LRSAM1: variants seen among roughly 807,000 people sequenced by gnomAD.
The protein encoded by LRSAM1 is E3 ubiquitin-protein ligase LRSAM1.
LRSAM1 carries 96 observed loss-of-function variants against 118.1 expected under a neutral mutation model. The ratio of observed to expected loss-of-function variants is 0.81; its 90% CI spans 0.69 to 0.96. LRSAM1 has a LOEUF of 0.96. Ranked by LOEUF, LRSAM1 falls within the 40% of genes least tolerant of loss-of-function variation. LRSAM1 has a pLI of 0.00. For missense variants in LRSAM1, 804 were observed against 915.5 expected, an observed-to-expected ratio of 0.88 and a Z score of 1.57; for synonymous variants, 322 against 364.2, an observed-to-expected ratio of 0.88 and a Z score of 1.32.
chr9:127,480,085 G>A, intron 14 of LRSAM1, 107 bp downstream of exon 14: 1 of 1,502,458 alleles, frequency 6.7e-7, no homozygotes, highest in Admixed American at 1.8e-5. Flanking sequence ...CCTGCCCCGG[G>A]CTTCCCTTGT....
intron 15 of LRSAM1, among the ~76,000 whole-genome samples, chr9:127,482,148 T>C (rs1463756601): frequency 6.7e-6 from 1 of 148,260 alleles, no homozygotes; most frequent in East Asian, 1.9e-4. Context: ...ATCTTTTTTT[T>C]TTTTTTTTTT....
At chr9:127,471,872 A>G (rs1207050999) in intron 10 of LRSAM1, among the ~76,000 whole-genome samples, 2 of 151,042 alleles carry the variant, frequency 1.3e-5, no homozygotes, top group Non-Finnish European at 3.0e-5. Flanking sequence ...CATGTTGACC[A>G]GGGTGGTCTC....
Position 127,482,525 on chromosome 9 carries a change from C to T in LRSAM1, c.1089-425C>T, listed in dbSNP as rs529499051. ...TTCCCAAAAACATTCTGCCAGTTTA[C>T]ACTCCTCTCAGCAGTGTAGGAAAGT... is the stretch of plus-strand genomic sequence containing the variant. On this transcript the variant is annotated intron_variant, in intron 15 of 25. Coordinates refer to ENST00000300417, the MANE Select transcript of LRSAM1 (RefSeq NM_001005373.4). Among the ~76,000 whole-genome samples, 4 of 152,334 alleles carry T rather than the reference C, an allele frequency of 2.6e-5. No individual in the cohort carries two copies. In the East Asian group the frequency reaches 7.7e-4, roughly 29 times the overall value.
intron 14 of LRSAM1, among the ~76,000 whole-genome samples, chr9:127,480,415 G>A (rs1262848908): frequency 2.0e-5 from 3 of 152,196 alleles, no homozygotes; most frequent in Non-Finnish European, 2.9e-5. Context: ...TCTTGATGGG[G>A]CTGGGGAGAC....
At chr9:127,474,770 G>T (rs1250616430) in intron 11 of LRSAM1, among the ~76,000 whole-genome samples, 1 of 152,190 alleles carries the variant, frequency 6.6e-6, no homozygotes, top group Non-Finnish European at 1.5e-5. Flanking sequence ...CCAGTGACAG[G>T]CTGGCCCTGT....
intron 24 of LRSAM1, 48 bp from the exon 25 acceptor site, chr9:127,500,962 G>A (rs1326236016): frequency 1.2e-6 from 2 of 1,613,056 alleles, no homozygotes; most frequent in East Asian, 2.2e-5. Flanking sequence ...CAGGGGTTAG[G>A]GTCAGCGGAG....
At chr9:127,454,365 C>G in intron 2 of LRSAM1, 131 bp from the exon 3 acceptor site, 2 of 751,118 alleles carry the variant, frequency 2.7e-6, no homozygotes, top group Non-Finnish European at 4.7e-6. Flanking sequence ...ACTAGGGAGA[C>G]ACAGCCCCTG....
At chr9:127,480,470 C>A (rs1461335966) in intron 14 of LRSAM1, among the ~76,000 whole-genome samples, 1 of 152,144 alleles carries the variant, frequency 6.6e-6, no homozygotes, top group African/African-American at 2.4e-5. Flanking sequence ...GGGCCCATTG[C>A]AGGATGATTC....
At chr9:127,489,587 C>G in intron 19 of LRSAM1, 69 bp downstream of exon 19, 1 of 1,513,460 alleles carries the variant, frequency 6.6e-7, no homozygotes, top group East Asian at 2.4e-5. Context: ...TCCAGGGCGG[C>G]AGGTCGCAGC....
chr9:127,464,954 T>G (rs1457636625), intron 9 of LRSAM1, among the ~76,000 whole-genome samples: 21 of 151,940 alleles, frequency 1.4e-4, no homozygotes, highest in Non-Finnish European at 2.9e-5. Context: ...GACACTTCAT[T>G]TTATTTTGAT....
Position 127,473,817 on chromosome 9 carries a change from C to G in LRSAM1, c.636C>G (p.Tyr212Ter), listed in dbSNP as rs1345228128. The part of the protein sequence containing the change: ...QFLCKESGLE[Y>*]YPPSQYLLPI... ...CTCTTACAGAGTCAGGGCTGGAATA[C>G]TACCCCCCTTCTCAGTACTTGCTGC... The change falls in exon 11 of 26, where the codon TAC (tyrosine) becomes TAG (stop). Residue 212 changes from tyrosine to a stop codon, truncating the protein, a stop_gained. Coordinates refer to ENST00000300417, the MANE Select transcript of LRSAM1 (RefSeq NM_001005373.4). LOFTEE classifies it high-confidence loss of function. 1 of 1,614,100 alleles carries G rather than the reference C, an allele frequency of 6.2e-7. No individual in the cohort carries two copies. The highest frequency in any genetic ancestry group is 8.5e-7 in the Non-Finnish European group (1 of 1,180,056).
At chr9:127,470,444 G>A (rs1481774331) in intron 10 of LRSAM1, among the ~76,000 whole-genome samples, 1 of 151,974 alleles carries the variant, frequency 6.6e-6, no homozygotes, top group Non-Finnish European at 1.5e-5. Context: ...CACCTCCCAC[G>A]AGTTCCCGCC....
At chr9:127,492,373 G>A (rs981658427) in intron 20 of LRSAM1, among the ~76,000 whole-genome samples, 10 of 152,230 alleles carry the variant, frequency 6.6e-5, no homozygotes, top group African/African-American at 2.4e-4. Flanking sequence ...TGGCTGTTGG[G>A]GCCCCCATGG....
rs1007634949 is a variant in LRSAM1 at position 127,454,875 on chromosome 9, C to T, written c.73-123C>T. ...TCATTGGTTCACCTGCCAAATGGAC[C>T]AGTGGAACCAGATAGTGTCTATGGT... is the stretch of plus-strand genomic sequence containing the variant. On this transcript the variant is annotated intron_variant, in intron 3 of 25. Coordinates refer to ENST00000300417, the MANE Select transcript of LRSAM1 (RefSeq NM_001005373.4). 2.5e-5 allele frequency: 25 copies of T among 995,594 alleles called. No homozygotes were observed. The African/African-American group carries it at 3.3e-4, about 13-fold the overall frequency. 61.7% of individuals were successfully genotyped at this position (995,594 alleles called of 1,614,324 possible). A position where few individuals can be genotyped will look rare whatever the true frequency, so the allele number is the denominator to read the frequency against.
intron 3 of LRSAM1, 57 bp downstream of exon 3, chr9:127,454,656 A>G: frequency 6.4e-7 from 1 of 1,555,122 alleles, no homozygotes; most frequent in East Asian, 2.3e-5. Flanking sequence ...GTCCCCATGG[A>G]GTAGGCCTCC....
At chr9:127,497,696 A>G (rs553447031) in intron 24 of LRSAM1, among the ~76,000 whole-genome samples, 19 of 152,250 alleles carry the variant, frequency 1.2e-4, no homozygotes, top group Middle Eastern at 3.4e-3. Flanking sequence ...AGTATACCCA[A>G]TGCTGGGCCT....
In LRSAM1 at chr9:127,455,047, T is replaced by C. The variant is rs762731732; in HGVS notation, c.122T>C (p.Leu41Pro). 6.2e-7 allele frequency: 1 copy of C among 1,614,108 alleles called. No homozygotes were observed. Among genetic ancestry groups the C allele is most frequent in the Non-Finnish European group, 8.5e-7 (1 of 1,179,936 alleles). Residue 41 changes from leucine (L) to proline (P), a missense_variant, in exon 4 of 26, where the codon CTC becomes CCC. Transcript: ENST00000300417. ...ATTCTCGACATCTCTAAATGTGAGC[T>C]CTCAGAGGTAAACTGAGGATAGTGT... ...DDILDISKCE[L>P]SEIPFGAFAT...
chr9:127,498,928 G>T (rs766244006), intron 24 of LRSAM1, among the ~76,000 whole-genome samples: 3 of 151,772 alleles, frequency 2.0e-5, no homozygotes, highest in Non-Finnish European at 2.9e-5. Context: ...GCGTGGTGGC[G>T]TGCACCTGTA....
At chr9:127,497,180 T>C in intron 23 of LRSAM1, 73 bp from the exon 24 acceptor site, 1 of 1,478,148 alleles carries the variant, frequency 6.8e-7, no homozygotes. Context: ...AGCCTGGGCC[T>C]GTGCCACGTG....
Sources: allele counts gnomAD v4.1 joint callset (sites outside exome capture counted in the v4.1 genomes callset), GRCh38; gene constraint gnomAD v4.1.1; transcripts MANE v1.5; gene names NCBI Gene and HGNC (gene_info 2026-07-23, HGNC 2026-07-21).